Variants in GRIA1 observed in about 807,000 individuals in gnomAD.
The protein encoded by GRIA1 is glutamate ionotropic receptor AMPA type subunit 1, also known as glutamate receptor 1.
Under a neutral mutation model 99.2 loss-of-function variants are expected in GRIA1, and 31 were observed. The observed-to-expected ratio is 0.31, with a 90% CI of 0.23 to 0.42. The LOEUF (loss-of-function observed/expected upper bound fraction) is 0.42, where lower values mean the gene tolerates loss of function less well. Ranked by LOEUF, GRIA1 falls within the 10% of genes least tolerant of loss-of-function variation. The probability of loss-of-function intolerance (pLI) is 1.00; values close to 1 mark genes in which losing one functional copy is unlikely to be tolerated. For synonymous variants in GRIA1, 438 were observed against 432.4 expected (o/e 1.01, Z -0.16); for missense variants, 782 against 1,157.5 (o/e 0.68, Z 4.71).
At chr5:153,605,426 G>A (rs1765358607) in intron 2 of GRIA1, among the ~76,000 whole-genome samples, 1 of 152,158 alleles carries the variant, frequency 6.6e-6, no homozygotes, top group African/African-American at 2.4e-5. Context: ...GGACATTTGG[G>A]CCGTTTACAC....
At chr5:153,617,355 T>C (rs1169808141) in intron 2 of GRIA1, among the ~76,000 whole-genome samples, 2 of 152,230 alleles carry the variant, frequency 1.3e-5, no homozygotes, top group African/African-American at 4.8e-5. Flanking sequence ...GACTATCATT[T>C]TGTTTTCAGG....
In GRIA1 at chr5:153,514,188, C is replaced by G. The variant is rs554562525; in HGVS notation, c.220+20123C>G. Among the ~76,000 whole-genome samples the G allele has an allele frequency of 7.9e-5, 12 of 152,326 alleles. No individual in the cohort carries two copies. The South Asian group carries it at 2.1e-3, about 26-fold the overall frequency. On this transcript the variant is annotated intron_variant, in intron 2 of 15. Transcript: ENST00000285900. ...GCAACCATTATTGCCCATAACCCAT[C>G]ATGTTGTGATGCGTTTTTTACAAGA... is the stretch of plus-strand genomic sequence containing the variant.
At chr5:153,508,636 A>G (rs1298972938) in intron 2 of GRIA1, among the ~76,000 whole-genome samples, 2 of 152,322 alleles carry the variant, frequency 1.3e-5, no homozygotes, top group African/African-American at 2.4e-5. Flanking sequence ...TTGGGAGTGT[A>G]GTGATCTGAT....
intron 2 of GRIA1, among the ~76,000 whole-genome samples, chr5:153,606,361 C>CA (rs1765434822): frequency 6.6e-6 from 1 of 151,924 alleles, no homozygotes; most frequent in South Asian, 2.1e-4. Flanking sequence ...TCCCCTTTTT[C>CA]AAAATTGTTT....
chr5:153,598,681 T>G (rs1581297325), intron 2 of GRIA1, among the ~76,000 whole-genome samples: 2 of 152,264 alleles, frequency 1.3e-5, no homozygotes, highest in Non-Finnish European at 2.9e-5. Context: ...TCTTGTTTCT[T>G]CCTTTCCTTA....
intron 13 of GRIA1, among the ~76,000 whole-genome samples, chr5:153,775,239 T>A (rs1764145557): frequency 6.6e-6 from 1 of 152,244 alleles, no homozygotes; most frequent in Admixed American, 6.5e-5. Flanking sequence ...CCACGTTTTA[T>A]CAACCTAAGA....
At chr5:153,519,186 C>T (rs546069847) in intron 2 of GRIA1, among the ~76,000 whole-genome samples, 4 of 152,082 alleles carry the variant, frequency 2.6e-5, no homozygotes, top group East Asian at 3.9e-4. Context: ...TCGCTGGAAT[C>T]GGGAGGTGGC....
chr5:153,721,942 G>A (rs968119399), intron 11 of GRIA1, among the ~76,000 whole-genome samples: 2 of 152,292 alleles, frequency 1.3e-5, no homozygotes, highest in East Asian at 3.9e-4. Flanking sequence ...GTTTTCAGAA[G>A]TAGCATACAG....
chr5:153,693,337 A>T (rs1372405483), intron 8 of GRIA1, among the ~76,000 whole-genome samples: 1 of 152,138 alleles, frequency 6.6e-6, no homozygotes, highest in South Asian at 2.1e-4. Flanking sequence ...CTGGCCAGGT[A>T]GCCACTCTCC....
At chr5:153,700,725 A>G (rs1168952368) in intron 10 of GRIA1, among the ~76,000 whole-genome samples, 1 of 152,202 alleles carries the variant, frequency 6.6e-6, no homozygotes, top group Non-Finnish European at 1.5e-5. Context: ...CCCCAGGTCA[A>G]TGTTAAGTGC....
At chr5:153,677,192 A>G in intron 7 of GRIA1, 31 bp downstream of exon 7, 1 of 1,389,964 alleles carries the variant, frequency 7.2e-7, no homozygotes. Flanking sequence ...CCCATCTCAT[A>G]GGAGCCTACT....
chr5:153,674,666 G>C lies in GRIA1; in HGVS notation c.861+5G>C. ...GTGGACTGGAAGAGACCCAAGGTGA[G>C]TGGATGGGCAGCCAGCAGCAAAGGG... On this transcript the variant is annotated splice_donor_5th_base_variant and intron_variant, in intron 6 of 15. Coordinates refer to ENST00000285900, the MANE Select transcript of GRIA1 (RefSeq NM_000827.4). 6.2e-7 allele frequency: 1 copy of C among 1,613,510 alleles called. No homozygotes were observed. The highest frequency in any genetic ancestry group is 8.5e-7 in the Non-Finnish European group (1 of 1,179,564).
intron 13 of GRIA1, among the ~76,000 whole-genome samples, chr5:153,791,619 A>T (rs1765310912): frequency 6.6e-6 from 1 of 152,158 alleles, no homozygotes; most frequent in Non-Finnish European, 1.5e-5. Context: ...TTAAGTATTT[A>T]TCTGTAAAAT....
At chr5:153,600,076 T>A (rs1211776969) in intron 2 of GRIA1, among the ~76,000 whole-genome samples, 1 of 151,944 alleles carries the variant, frequency 6.6e-6, no homozygotes, top group Non-Finnish European at 1.5e-5. Context: ...GTGAGAGCCA[T>A]CTCTTCCTGT....
chr5:153,693,489 CA>C (rs1253666955), intron 8 of GRIA1, among the ~76,000 whole-genome samples: 1 of 152,154 alleles, frequency 6.6e-6, no homozygotes, highest in Non-Finnish European at 1.5e-5. Context: ...GTCTCAGAGG[CA>C]GCCTGGAGAT....
At chr5:153,569,143 A>G (rs1284152836) in intron 2 of GRIA1, among the ~76,000 whole-genome samples, 5 of 152,246 alleles carry the variant, frequency 3.3e-5, no homozygotes, top group Non-Finnish European at 7.3e-5. Context: ...TGGAGAACAG[A>G]GGCCACATCT....
At chr5:153,564,930 G>T (rs1445018746) in intron 2 of GRIA1, among the ~76,000 whole-genome samples, 1 of 152,142 alleles carries the variant, frequency 6.6e-6, no homozygotes, top group Non-Finnish European at 1.5e-5. Context: ...TTCATTCTAG[G>T]TTCACCAGTA....
At chr5:153,810,540 G>A (rs1451536841) in intron 15 of GRIA1, among the ~76,000 whole-genome samples, 1 of 152,198 alleles carries the variant, frequency 6.6e-6, no homozygotes, top group East Asian at 1.9e-4. Flanking sequence ...ATAACAGTGT[G>A]TAGGTGCATA....
intron 3 of GRIA1, 80 bp from the exon 4 acceptor site, chr5:153,650,250 A>T (rs1367335766): frequency 3.3e-6 from 4 of 1,229,660 alleles, no homozygotes; most frequent in Non-Finnish European, 4.6e-6. Context: ...TAGCCAGGGG[A>T]GGTAGGTGCC....
Sources: allele counts gnomAD v4.1 joint callset (sites outside exome capture counted in the v4.1 genomes callset), GRCh38; gene constraint gnomAD v4.1.1; transcripts MANE v1.5; gene names NCBI Gene and HGNC (gene_info 2026-07-23, HGNC 2026-07-21).